Variants in SH3TC2 observed in about 807,000 individuals in gnomAD.
SH3TC2 encodes the protein SH3 domain and tetratricopeptide repeat-containing protein 2.
Under a neutral mutation model 124.5 loss-of-function variants are expected in SH3TC2, and 87 were observed. The ratio of observed to expected loss-of-function variants is 0.70; its 90% CI spans 0.59 to 0.84. The LOEUF (loss-of-function observed/expected upper bound fraction) is 0.84. SH3TC2 is among the 40% of genes least tolerant of loss of function. SH3TC2 has a pLI of 0.00. For synonymous variants in SH3TC2, 634 were observed against 628.5 expected (o/e 1.01, Z -0.13); for missense variants, 1,536 against 1,566.4 (o/e 0.98, Z 0.33).
chr5:149,001,862 T>C lies in SH3TC2; in HGVS notation c.*2849A>G, dbSNP rs1753603816. The stretch of plus-strand genomic sequence containing the variant: ...GGATAGAAACAACGCTCTTCACGTA[T>C]GTGTGTGTATGTGTATGCATATGCA... On this transcript the variant is annotated 3_prime_UTR_variant, in exon 17 of 17. Coordinates refer to ENST00000515425, the MANE Select transcript of SH3TC2 (RefSeq NM_024577.4). The C allele has an allele frequency of 6.6e-6, 1 of 152,212 alleles. No individual in the cohort carries two copies. Among genetic ancestry groups the C allele is most frequent in the Non-Finnish European group, 1.5e-5 (1 of 68,042 alleles). 9.4% of individuals were successfully genotyped at this position (152,212 alleles called of 1,614,324 possible). A position where few individuals can be genotyped will look rare whatever the true frequency, so the allele number is the denominator to read the frequency against.
intron 1 of SH3TC2, among the ~76,000 whole-genome samples, chr5:149,055,459 C>G (rs540414092): frequency 2.1e-4 from 31 of 151,050 alleles, no homozygotes; most frequent in African/African-American, 7.0e-4. Flanking sequence ...AAATTAAAAC[C>G]ACAATGGAAC....
At chr5:149,034,685 A>T (rs1754254156) in intron 8 of SH3TC2, among the ~76,000 whole-genome samples, 1 of 152,176 alleles carries the variant, frequency 6.6e-6, no homozygotes, top group African/African-American at 2.4e-5. Flanking sequence ...GAAAGATAAG[A>T]TCATAAATTA....
rs1384845112 is a variant in SH3TC2, at chr5:149,001,750, T to C, written c.*2961A>G. ...CTAAACATTTTTATAACTGACCTGG[T>C]TATGGGTAAATTCATCAGATTTATA... On this transcript the variant is annotated 3_prime_UTR_variant, in exon 17 of 17. Coordinates refer to ENST00000515425, the MANE Select transcript of SH3TC2 (RefSeq NM_024577.4). 2 of 152,112 alleles carry C rather than the reference T, an allele frequency of 1.3e-5. No individual in the cohort carries two copies. Among genetic ancestry groups the C allele is most frequent in the African/African-American group, 2.4e-5 (1 of 41,346 alleles). The allele number at this position is 152,112 out of a possible 1,614,324, so 9.4% of individuals were successfully genotyped here.
intron 1 of SH3TC2, chr5:149,057,540 T>C (rs1323979757): frequency 3.9e-5 from 6 of 152,192 alleles, no homozygotes; most frequent in Non-Finnish European, 8.8e-5. Flanking sequence ...CCAGCATCCA[T>C]TCATTATCTA....
chr5:149,048,332 T>C (rs1428687851), intron 2 of SH3TC2, among the ~76,000 whole-genome samples: 1 of 152,224 alleles, frequency 6.6e-6, no homozygotes, highest in African/African-American at 2.4e-5. Context: ...TCCCTGTGAA[T>C]GACTTGTGAA....
In SH3TC2 at chr5:148,987,868, T is replaced by C. The variant is rs1753359244; in HGVS notation, c.*16843A>G. 6.8e-6 allele frequency among the ~76,000 whole-genome samples: 1 copy of C among 146,742 alleles called. No homozygotes were observed. Among genetic ancestry groups the C allele is most frequent in the South Asian group, 2.3e-4 (1 of 4,444 alleles). ...GTGTGTGTGTGTGTTCTTTAGATCA[T>C]GAAACTTCTCATCTGAAAATCTCCA... On this transcript the variant is annotated 3_prime_UTR_variant, in exon 17 of 17. Coordinates refer to ENST00000515425, the MANE Select transcript of SH3TC2 (RefSeq NM_024577.4).
intron 13 of SH3TC2, among the ~76,000 whole-genome samples, chr5:149,012,376 G>C (rs529437120): frequency 6.6e-6 from 1 of 152,142 alleles, no homozygotes; most frequent in East Asian, 1.9e-4. Flanking sequence ...GGGTCTCAGC[G>C]ACTGGCCCTT....
At chr5:149,055,778 A>C (rs1468413686) in intron 1 of SH3TC2, among the ~76,000 whole-genome samples, 2 of 152,230 alleles carry the variant, frequency 1.3e-5, no homozygotes, top group Non-Finnish European at 2.9e-5. Context: ...TATATAATAT[A>C]TAATTAAATC....
intron 1 of SH3TC2, among the ~76,000 whole-genome samples, chr5:149,056,809 T>G (rs1754656276): frequency 6.6e-6 from 1 of 152,178 alleles, no homozygotes; most frequent in Non-Finnish European, 1.5e-5. Flanking sequence ...GTGTTATATT[T>G]CAACATGAAG....
Position 149,027,334 on chromosome 5 carries a change from G to A in SH3TC2, c.2398C>T (p.Leu800Phe), listed in dbSNP as rs764616291. 35 of 1,613,932 alleles carry A rather than the reference G, an allele frequency of 2.2e-5. No individual in the cohort carries two copies. The highest frequency in any genetic ancestry group is 2.8e-5 in the Non-Finnish European group (33 of 1,180,058). Residue 800 changes from leucine to phenylalanine, a missense_variant, in exon 11 of 17, where the codon CTC becomes TTC. Around this residue, in one of 3 missense-constraint regions of SH3TC2, gnomAD observed 1,102 missense variants for 1,098.6 expected, o/e 1.00. Transcript: ENST00000515425. ...AAGAGATAGGCCCATGCCAGGCAGA[G>A]AGAAGACTCAAAGGATTCCTGCTCA... ...LGEQESFESS[L>F]CLAWAYLLAS...
intron 8 of SH3TC2, 152 bp from the exon 9 acceptor site, chr5:149,031,839 A>T: frequency 1.9e-6 from 2 of 1,033,186 alleles, no homozygotes; most frequent in Non-Finnish European, 2.9e-6. Context: ...TCACCATTGC[A>T]TACTGTATTT....
intron 2 of SH3TC2, among the ~76,000 whole-genome samples, chr5:149,049,520 G>A (rs888494344): frequency 4.6e-5 from 7 of 152,120 alleles, no homozygotes; most frequent in African/African-American, 1.4e-4. Context: ...TAATCCTAGC[G>A]GTTTGGGAGG....
chr5:149,031,758 A>ACATC, intron 8 of SH3TC2, 71 bp from the exon 9 acceptor site: 1 of 1,592,962 alleles, frequency 6.3e-7, no homozygotes, highest in Non-Finnish European at 8.6e-7. Context: ...TTCTCTCCAC[A>ACATC]CTAGGATGTA....
intron 15 of SH3TC2, 67 bp from the exon 16 acceptor site, chr5:149,007,144 A>C: frequency 6.5e-7 from 1 of 1,527,314 alleles, no homozygotes; most frequent in Non-Finnish European, 9.1e-7. Flanking sequence ...TCACTCATTC[A>C]TTCCATAAAA....
At chr5:149,005,346 A>C (rs1401016340) in intron 16 of SH3TC2, among the ~76,000 whole-genome samples, 1 of 152,182 alleles carries the variant, frequency 6.6e-6, no homozygotes, top group Non-Finnish European at 1.5e-5. Flanking sequence ...AAACAAAGCA[A>C]AGTAGAAACA....
intron 12 of SH3TC2, among the ~76,000 whole-genome samples, chr5:149,023,583 CTTTT>C (rs5872108): frequency 9.3e-5 from 10 of 107,238 alleles, no homozygotes; most frequent in Admixed American, 2.0e-4. Flanking sequence ...TAGTGTAATC[CTTTT>C]TTTTTTTTTT....
Position 148,995,458 on chromosome 5 carries a change from T to C in SH3TC2, c.*9253A>G, listed in dbSNP as rs1186338601. On this transcript the variant is annotated 3_prime_UTR_variant, in exon 17 of 17. Transcript: ENST00000515425. Reference sequence around the variant, plus strand: ...ATCCCTGGTCAAACTACTATCTGTTTGAAAATTAAGAAAAGACCTACCACA... The same window carrying C: ...ATCCCTGGTCAAACTACTATCTGTTCGAAAATTAAGAAAAGACCTACCACA... Among the ~76,000 whole-genome samples, 1 of 152,194 alleles carries C rather than the reference T, an allele frequency of 6.6e-6. No homozygotes were observed. The highest frequency in any genetic ancestry group is 2.4e-5 in the African/African-American group (1 of 41,444).
At position 148,983,985 on chromosome 5, in the gene SH3TC2, A is replaced by T. The variant is rs1197717902; in HGVS notation, c.*20726T>A. Reference sequence around the variant, plus strand: ...GTCACTTGAACCAATACATTTTTTTAAAATTACTTAAGCCAGTTTGAGTTT... The same window carrying T: ...GTCACTTGAACCAATACATTTTTTTTAAATTACTTAAGCCAGTTTGAGTTT... On this transcript the variant is annotated 3_prime_UTR_variant, in exon 17 of 17. Transcript: ENST00000515425. Among the ~76,000 whole-genome samples the T allele has an allele frequency of 1.3e-5, 2 of 152,200 alleles. No homozygotes were observed. Among genetic ancestry groups the T allele is most frequent in the Admixed American group, 6.5e-5 (1 of 15,278 alleles).
Position 149,010,317 on chromosome 5 carries a change from A to G in SH3TC2, c.3280T>C (p.Phe1094Leu). 6.2e-7 allele frequency: 1 copy of G among 1,614,146 alleles called. No individual in the cohort carries two copies. The highest frequency in any genetic ancestry group is 8.5e-7 in the Non-Finnish European group (1 of 1,180,016). Residue 1094 changes from phenylalanine to leucine, a missense_variant, in exon 14 of 17, where the codon TTC becomes CTC. By Grantham distance (22) the Phe-to-Leu change is conservative. This residue lies in a region of SH3TC2 where 426 missense variants were observed against 443.5 expected (regional missense o/e 0.96). Transcript: ENST00000515425. ...TGCCTGTGGCGGGTCCCATTGAAGA[A>G]CACATCACCTGCTTCTTCATAAAGT... ...LKLYEEAGDV[F>L]FNGTRHRHHA...
Sources: allele counts gnomAD v4.1 joint callset (sites outside exome capture counted in the v4.1 genomes callset), GRCh38; gene constraint gnomAD v4.1.1; regional missense constraint gnomAD v4.1.1; transcripts MANE v1.5; gene names NCBI Gene and HGNC (gene_info 2026-07-23, HGNC 2026-07-21).